CCDC195: variants seen among roughly 807,000 people sequenced by gnomAD.
The protein encoded by CCDC195 is coiled-coil domain-containing protein 195.
intron 2 of CCDC195, among the ~76,000 whole-genome samples, chr2:224,705,132 G>C (rs1244944936): frequency 6.6e-6 from 1 of 152,102 alleles, no homozygotes; most frequent in Non-Finnish European, 1.5e-5. Flanking sequence ...TTTCTCCAAG[G>C]CCACATTGTT....
chr2:224,714,984 A>C (rs1689363125), intron 1 of CCDC195, among the ~76,000 whole-genome samples: 1 of 151,728 alleles, frequency 6.6e-6, no homozygotes, highest in African/African-American at 2.4e-5. Flanking sequence ...GCTGGAGTGC[A>C]GTGGCAAGAT....
intron 2 of CCDC195, among the ~76,000 whole-genome samples, chr2:224,709,330 C>T (rs1034663957): frequency 1.3e-5 from 2 of 152,090 alleles, no homozygotes; most frequent in African/African-American, 4.8e-5. Context: ...CTCAAGTGAT[C>T]CAGCCCGCCT....
At chr2:224,710,894 G>A (rs2124851921) in intron 1 of CCDC195, among the ~76,000 whole-genome samples, 1 of 152,272 alleles carries the variant, frequency 6.6e-6, no homozygotes, top group South Asian at 2.1e-4. Flanking sequence ...GTGTTCGGAG[G>A]CTATTTCAAT....
At chr2:224,708,686 C>G (rs1401103130) in intron 2 of CCDC195, among the ~76,000 whole-genome samples, 1 of 152,208 alleles carries the variant, frequency 6.6e-6, no homozygotes, top group Non-Finnish European at 1.5e-5. Context: ...CTACAGGCCT[C>G]TTGCTTATGG....
intron 1 of CCDC195, 50 bp downstream of exon 1, chr2:224,716,081 G>C: frequency 2.5e-6 from 1 of 398,016 alleles, no homozygotes; most frequent in Non-Finnish European, 4.4e-6. Context: ...ACTATTTCAC[G>C]ATATTTGCAA....
chr2:224,711,132 G>T (rs1001354703), intron 1 of CCDC195, among the ~76,000 whole-genome samples: 1 of 152,162 alleles, frequency 6.6e-6, no homozygotes, highest in African/African-American at 2.4e-5. Context: ...GCCTATGATT[G>T]CATGTCTTGG....
intron 1 of CCDC195, among the ~76,000 whole-genome samples, chr2:224,710,659 A>T (rs1689310434): frequency 6.6e-6 from 1 of 152,232 alleles, no homozygotes; most frequent in Admixed American, 6.5e-5. Flanking sequence ...ATAAACAAAA[A>T]GCATTCATTG....
chr2:224,716,171 G>A (rs774560902), exon 1 of CCDC195: 3 of 398,544 alleles, frequency 7.5e-6, no homozygotes, highest in African/African-American at 4.1e-5. Flanking sequence ...CAGTGGAAAC[G>A]GCACCCTGAA....
chr2:224,714,668 T>C (rs556572695), intron 1 of CCDC195, among the ~76,000 whole-genome samples: 1 of 152,262 alleles, frequency 6.6e-6, no homozygotes, highest in African/African-American at 2.4e-5. Flanking sequence ...TAAGCAAATA[T>C]TATAAATGTC....
chr2:224,703,967 T>A, intron 2 of CCDC195, 80 bp from the exon 3 acceptor site: 1 of 397,280 alleles, frequency 2.5e-6, no homozygotes, highest in Non-Finnish European at 4.4e-6. Flanking sequence ...TTCCCCCCAA[T>A]CACCAGATAC....
chr2:224,715,430 T>C (rs1175029921), intron 1 of CCDC195, among the ~76,000 whole-genome samples: 1 of 152,238 alleles, frequency 6.6e-6, no homozygotes, highest in East Asian at 1.9e-4. Flanking sequence ...ACATCGACTC[T>C]GTATCTTGAA....
intron 2 of CCDC195, among the ~76,000 whole-genome samples, chr2:224,706,540 C>T (rs1313962174): frequency 1.2e-4 from 14 of 118,396 alleles, no homozygotes; most frequent in African/African-American, 4.2e-4. Context: ...GAGACAGAGT[C>T]TCGCTGTGTT....
chr2:224,707,327 C>T (rs540464695), intron 2 of CCDC195, among the ~76,000 whole-genome samples: 1 of 152,344 alleles, frequency 6.6e-6, no homozygotes, highest in South Asian at 2.1e-4. Flanking sequence ...TCTCTGCCTA[C>T]CTGTCCTTCT....
At chr2:224,705,628 G>T (rs1166984565) in intron 2 of CCDC195, among the ~76,000 whole-genome samples, 3 of 152,032 alleles carry the variant, frequency 2.0e-5, no homozygotes, top group African/African-American at 4.8e-5. Flanking sequence ...AATAATCAGA[G>T]GAATAATATA....
At chr2:224,713,083 G>A (rs1689333831) in intron 1 of CCDC195, among the ~76,000 whole-genome samples, 2 of 152,080 alleles carry the variant, frequency 1.3e-5, no homozygotes, top group Admixed American at 1.3e-4. Flanking sequence ...TAGCCAGGAT[G>A]GTCTCGATCT....
intron 2 of CCDC195, among the ~76,000 whole-genome samples, chr2:224,704,647 G>A (rs1247970863): frequency 8.6e-6 from 1 of 116,892 alleles, no homozygotes; most frequent in Non-Finnish European, 1.6e-5. Context: ...TTTTGAGACA[G>A]AGTCTCATTC....
intron 2 of CCDC195, among the ~76,000 whole-genome samples, chr2:224,707,278 T>A (rs1295343323): frequency 6.6e-6 from 1 of 152,206 alleles, no homozygotes; most frequent in Non-Finnish European, 1.5e-5. Flanking sequence ...TTACAATAAA[T>A]CCAGAGTCAC....
Position 224,715,804 on chromosome 2 carries a change from A to G in CCDC195, c.235+327T>C, listed in dbSNP as rs140272164. Among the ~76,000 whole-genome samples the G allele has an allele frequency of 2.5e-3, 375 of 152,300 alleles. 1 individual carries two copies. Among genetic ancestry groups the G allele is most frequent in the African/African-American group, 8.6e-3 (358 of 41,556 alleles). The stretch of plus-strand genomic sequence containing the variant: ...GTGCCATTTGACATACACACATTCA[A>G]TGTGCTATTATGCAGCATTTAAATG... On this transcript the variant is annotated intron_variant, in intron 1 of 2. Coordinates refer to ENST00000638102, the Ensembl canonical transcript of CCDC195.
At chr2:224,709,512 G>T (rs145481582) in intron 2 of CCDC195, among the ~76,000 whole-genome samples, 1 of 152,052 alleles carries the variant, frequency 6.6e-6, no homozygotes, top group Non-Finnish European at 1.5e-5. Context: ...TTCCCCTAAC[G>T]CCCACTAAGG....
Sources: gnomAD v4.1 joint callset for allele counts (sites outside exome capture counted in the v4.1 genomes callset) on GRCh38, gnomAD v4.1.1 for gene constraint, MANE v1.5 for transcripts, NCBI Gene and HGNC (gene_info 2026-07-23, HGNC 2026-07-21) for gene names.